The following HHAT variants were observed in gnomAD, a reference collection of about 807,000 sequenced individuals.
HHAT encodes hedgehog acyltransferase.
In HHAT, 47 loss-of-function variants were observed where a neutral mutation model predicts 70.8. The observed-to-expected ratio is 0.66, with a 90% CI of 0.53 to 0.85. The LOEUF (loss-of-function observed/expected upper bound fraction) is 0.85. Among genes scored for constraint, HHAT ranks in the 40% least tolerant of loss-of-function variants. HHAT has a pLI of 0.00. For synonymous variants in HHAT, 228 were observed against 247.6 expected (o/e 0.92, Z 0.74); for missense variants, 609 against 604.8 (o/e 1.01, Z -0.07).
intron 8 of HHAT, among the ~76,000 whole-genome samples, chr1:210,478,658 A>G (rs1268096832): frequency 6.6e-6 from 1 of 152,176 alleles, no homozygotes; most frequent in Admixed American, 6.5e-5. Context: ...CCTTGACCAC[A>G]AGGGACTCTT....
At chr1:210,616,302 G>T (rs1197937656) in intron 10 of HHAT, among the ~76,000 whole-genome samples, 1 of 152,068 alleles carries the variant, frequency 6.6e-6, no homozygotes, top group Non-Finnish European at 1.5e-5. Context: ...CTATCTAATT[G>T]AAATTTTGAA....
chr1:210,526,280 C>T (rs762686380), intron 9 of HHAT, among the ~76,000 whole-genome samples: 3 of 151,954 alleles, frequency 2.0e-5, no homozygotes, highest in Non-Finnish European at 4.4e-5. Flanking sequence ...TTCCTGACTG[C>T]AACACCTCTG....
In HHAT at chr1:210,623,610, C is replaced by A. The variant is rs764798520; in HGVS notation, c.1330C>A (p.Leu444Met). The change falls in exon 11 of 12, where the codon CTG (leucine) becomes ATG (methionine). Residue 444 changes from leucine to methionine, a missense_variant. By Grantham distance (15) the Leu-to-Met change is conservative (BLOSUM62 2). Coordinates refer to ENST00000261458, the MANE Select transcript of HHAT (RefSeq NM_018194.6). ...CSTSMLILSNLVFLGGNEVGK... is the reference protein window; with the variant it reads ...CSTSMLILSNMVFLGGNEVGK... ...CACCTCGATGCTGATCCTGTCCAAC[C>A]TGGTATTTCTTGGGGGCAATGAGGT... The A allele has an allele frequency of 6.2e-7, 1 of 1,614,042 alleles. No homozygotes were observed. The highest frequency in any genetic ancestry group is 8.5e-7 in the Non-Finnish European group (1 of 1,179,978).
chr1:210,521,441 G>A (rs920381420), intron 9 of HHAT, among the ~76,000 whole-genome samples: 8 of 152,110 alleles, frequency 5.3e-5, no homozygotes, highest in Admixed American at 2.0e-4. Context: ...TGACCCTTTC[G>A]TAAAATTAGC....
At chr1:210,526,765 T>C (rs970757763) in intron 9 of HHAT, among the ~76,000 whole-genome samples, 1 of 152,170 alleles carries the variant, frequency 6.6e-6, no homozygotes, top group Admixed American at 6.5e-5. Flanking sequence ...GCAGCTTCTG[T>C]TGTCTAGATA....
chr1:210,567,836 T>C (rs1221468444), intron 9 of HHAT, among the ~76,000 whole-genome samples: 1 of 152,184 alleles, frequency 6.6e-6, no homozygotes, highest in Non-Finnish European at 1.5e-5. Context: ...ACAACTAACA[T>C]CCAGATTTTA....
chr1:210,454,189 A>G (rs2093813884), intron 7 of HHAT, among the ~76,000 whole-genome samples: 1 of 152,180 alleles, frequency 6.6e-6, no homozygotes, highest in Non-Finnish European at 1.5e-5. Context: ...GGGTGGGGAC[A>G]CAGCCAAACC....
intron 9 of HHAT, among the ~76,000 whole-genome samples, chr1:210,539,453 G>A (rs2148656238): frequency 6.6e-6 from 1 of 152,304 alleles, no homozygotes; most frequent in East Asian, 1.9e-4. Flanking sequence ...GAGCCCAGGT[G>A]GCCTTGCCAT....
At chr1:210,351,270 A>G (rs1362406412) in intron 2 of HHAT, among the ~76,000 whole-genome samples, 1 of 152,156 alleles carries the variant, frequency 6.6e-6, no homozygotes, top group Non-Finnish European at 1.5e-5. Flanking sequence ...CTTTTGTTCT[A>G]TTTAGACCCT....
At chr1:210,364,186 A>C (rs1221304008) in intron 3 of HHAT, among the ~76,000 whole-genome samples, 1 of 152,188 alleles carries the variant, frequency 6.6e-6, no homozygotes, top group East Asian at 1.9e-4. Context: ...ATGTAAATTG[A>C]ATTTTCATCC....
chr1:210,406,751 A>C (rs1248124241), intron 6 of HHAT, among the ~76,000 whole-genome samples: 2 of 152,124 alleles, frequency 1.3e-5, no homozygotes, highest in Non-Finnish European at 2.9e-5. Flanking sequence ...GTCCTGTGTC[A>C]CACAGAGGCA....
intron 1 of HHAT, among the ~76,000 whole-genome samples, chr1:210,333,848 G>C (rs1345433175): frequency 1.3e-5 from 2 of 152,054 alleles, no homozygotes; most frequent in Non-Finnish European, 2.9e-5. Context: ...GTAGAGACAG[G>C]GTTTTGCCAT....
intron 9 of HHAT, among the ~76,000 whole-genome samples, chr1:210,543,310 A>G (rs1280530881): frequency 6.6e-6 from 1 of 151,328 alleles, no homozygotes; most frequent in East Asian, 1.9e-4. Context: ...TTTTCCTCTA[A>G]TTTTTCTCTG....
intron 8 of HHAT, among the ~76,000 whole-genome samples, chr1:210,480,614 C>T (rs7556394): frequency 0.046 from 7,017 of 152,206 alleles, 496 homozygotes; most frequent in African/African-American, 0.15. Flanking sequence ...GTTTGGAGCC[C>T]GTTACATCCT....
At chr1:210,490,421 T>TC (rs1050586360) in intron 8 of HHAT, among the ~76,000 whole-genome samples, 2 of 152,208 alleles carry the variant, frequency 1.3e-5, no homozygotes, top group African/African-American at 4.8e-5. Context: ...TCCTTGGTTC[T>TC]CCCCATTTGA....
At chr1:210,449,506 T>C (rs893512719) in intron 7 of HHAT, among the ~76,000 whole-genome samples, 1 of 152,240 alleles carries the variant, frequency 6.6e-6, no homozygotes. Flanking sequence ...GCTTTGTCTA[T>C]GCCATTGCTT....
intron 7 of HHAT, among the ~76,000 whole-genome samples, chr1:210,460,524 G>A (rs995233444): frequency 1.3e-5 from 2 of 152,078 alleles, no homozygotes; most frequent in Non-Finnish European, 1.5e-5. Context: ...GCCTGTCCTC[G>A]GGGTGTGGGT....
At chr1:210,424,298 G>A (rs1462939893) in intron 7 of HHAT, among the ~76,000 whole-genome samples, 1 of 152,054 alleles carries the variant, frequency 6.6e-6, no homozygotes, top group African/African-American at 2.4e-5. Context: ...TTAGAAATGG[G>A]ATTGCCTTCT....
chr1:210,523,619 C>CGT (rs2095196796), intron 9 of HHAT, among the ~76,000 whole-genome samples: 1 of 128,628 alleles, frequency 7.8e-6, no homozygotes, highest in Non-Finnish European at 1.8e-5. Context: ...TGTGTGCGCG[C>CGT]GCACACGTGC....
Sources: gnomAD v4.1 joint callset for allele counts (sites outside exome capture counted in the v4.1 genomes callset) on GRCh38, gnomAD v4.1.1 for gene constraint, MANE v1.5 for transcripts, NCBI Gene and HGNC (gene_info 2026-07-23, HGNC 2026-07-21) for gene names.